TRRAP: variants seen among roughly 807,000 people sequenced by gnomAD.
TRRAP encodes transformation/transcription domain-associated protein.
In TRRAP, 41 loss-of-function variants were observed where a neutral mutation model predicts 438.8. The ratio of observed to expected loss-of-function variants is 0.09; its 90% CI spans 0.07 to 0.12. The LOEUF (loss-of-function observed/expected upper bound fraction) is 0.12, where lower values mean the gene tolerates loss of function less well. TRRAP is among the 10% of genes least tolerant of loss of function. The probability of loss-of-function intolerance (pLI) is 1.00; values close to 1 mark genes in which losing one functional copy is unlikely to be tolerated. For missense variants in TRRAP, 3,122 were observed against 5,055.1 expected (o/e 0.62, Z 11.60); for synonymous variants, 1,994 against 1,962.9 (o/e 1.02, Z -0.42).
In TRRAP at chr7:98,993,476, G is replaced by A. The variant is rs564431265; in HGVS notation, c.9848-62G>A. 2,855 of 1,566,734 alleles carry A rather than the reference G, an allele frequency of 1.8e-3. 3 individuals are homozygous for A. Among genetic ancestry groups the A allele is most frequent in the Non-Finnish European group, 2.3e-3 (2,682 of 1,156,604 alleles). On this transcript the variant is annotated intron_variant, in intron 65 of 72. Coordinates refer to ENST00000456197, the MANE Select transcript of TRRAP (RefSeq NM_001375524.1). ...TCCTTTGGCCCATGGGTCCTGCAGC[G>A]CTCCGAGCCCTGGCGTCTGTCGGTT...
At chr7:98,995,656 C>A (rs1003292455) in intron 67 of TRRAP, among the ~76,000 whole-genome samples, 34 of 149,350 alleles carry the variant, frequency 2.3e-4, no homozygotes, top group Non-Finnish European at 4.2e-4. Context: ...ATCCCCCCCC[C>A]ACCATCTACA....
intron 21 of TRRAP, 24 bp from the exon 22 acceptor site, chr7:98,925,088 A>G: frequency 1.3e-6 from 2 of 1,592,916 alleles, no homozygotes; most frequent in Non-Finnish European, 8.5e-7. Context: ...CACAAACTGT[A>G]GTTTCTTTGT....
intron 69 of TRRAP, 117 bp from the exon 70 acceptor site, chr7:99,008,260 G>T: frequency 1.9e-6 from 2 of 1,074,082 alleles, no homozygotes; most frequent in Non-Finnish European, 1.4e-6. Flanking sequence ...TTCCAGCTAA[G>T]CCCCCAAGGC....
At chr7:98,966,546 A>G (rs1043698044) in intron 49 of TRRAP, among the ~76,000 whole-genome samples, 10 of 152,094 alleles carry the variant, frequency 6.6e-5, no homozygotes, top group Non-Finnish European at 1.5e-5. Flanking sequence ...TTAGTCAGGT[A>G]TGGTGGCGCA....
intron 65 of TRRAP, among the ~76,000 whole-genome samples, chr7:98,993,291 C>G (rs572130171): frequency 1.3e-5 from 2 of 152,242 alleles, no homozygotes; most frequent in Non-Finnish European, 2.9e-5. Flanking sequence ...AACACATACA[C>G]GGGTTTATTT....
intron 19 of TRRAP, 118 bp from the exon 20 acceptor site, chr7:98,917,305 C>T: frequency 7.2e-7 from 1 of 1,397,872 alleles, no homozygotes; most frequent in Non-Finnish European, 9.8e-7. Context: ...GCACAGAGGT[C>T]TCCCTGCAGT....
chr7:98,889,760 G>T (rs1346773693), intron 3 of TRRAP, among the ~76,000 whole-genome samples: 1 of 151,934 alleles, frequency 6.6e-6, no homozygotes, highest in African/African-American at 2.4e-5. Flanking sequence ...TTGCTCTGTT[G>T]CCCAGGCTGG....
chr7:99,008,570 G>GGGGCC lies in TRRAP; in HGVS notation c.10938+18_10938+22dup, dbSNP rs774182773. ...CCCAAGCCAGCCACCAGGTAGCAGT[G>GGGGCC]GGGCCGGGCCGGGGGCCGAGCTGCC... is the stretch of plus-strand genomic sequence containing the variant. On this transcript the variant is annotated intron_variant, in intron 70 of 72. Transcript: ENST00000456197. The GGGGCC allele has an allele frequency of 5.6e-6, 9 of 1,612,604 alleles. No homozygotes were observed. The South Asian group carries it at 8.8e-5, about 16-fold the overall frequency.
At chr7:98,954,602 G>A (rs1791505355) in intron 40 of TRRAP, among the ~76,000 whole-genome samples, 1 of 152,184 alleles carries the variant, frequency 6.6e-6, no homozygotes, top group South Asian at 2.1e-4. Flanking sequence ...GGCACCAGCA[G>A]GTTCTGCAGC....
At chr7:98,997,483 C>CAAAAAAAAAAAAAAAAAAAAAAAAA (rs61132070) in intron 67 of TRRAP, among the ~76,000 whole-genome samples, 3 of 42,620 alleles carry the variant, frequency 7.0e-5, no homozygotes, top group Non-Finnish European at 8.5e-5. Flanking sequence ...ACTGCTGTTG[C>CAAAAAAAAAAAAAAAAAAAAAAAAA]AAAAAAAAAA....
chr7:98,993,792 C>T, intron 66 of TRRAP, 55 bp downstream of exon 66: 6 of 1,541,518 alleles, frequency 3.9e-6, no homozygotes, highest in Non-Finnish European at 5.4e-6. Context: ...ACGTGGTGTT[C>T]TGTATGCTTC....
At chr7:98,880,283 A>T (rs1795369026) in intron 1 of TRRAP, among the ~76,000 whole-genome samples, 1 of 35,304 alleles carries the variant, frequency 2.8e-5, no homozygotes, top group South Asian at 2.0e-3. Context: ...TTTTTTTCCG[A>T]GACTGAACCT....
chr7:98,930,775 A>G lies in TRRAP; in HGVS notation c.3536A>G (p.Asn1179Ser). ...CTGCCTCTCACTTGGGTTCTCCAGA[A>G]CCAGCAGACATTCCTGAAAGCACTT... ...ERLPLTWVLQ[N>S]QQTFLKALLF... Residue 1179 changes from asparagine (N) to serine (S), a missense_variant, in exon 25 of 73, where the codon AAC becomes AGC. Asn to Ser is a conservative substitution (Grantham distance 46). Around this residue, in one of 24 missense-constraint regions of TRRAP, gnomAD observed 153 missense variants for 223.0 expected, o/e 0.69. Coordinates refer to ENST00000456197, the MANE Select transcript of TRRAP (RefSeq NM_001375524.1). The G allele has an allele frequency of 2.5e-6, 4 of 1,614,222 alleles. No homozygotes were observed. The highest frequency in any genetic ancestry group is 3.4e-6 in the Non-Finnish European group (4 of 1,180,044).
intron 18 of TRRAP, among the ~76,000 whole-genome samples, chr7:98,913,735 T>A (rs1789388352): frequency 1.3e-5 from 2 of 152,244 alleles, no homozygotes; most frequent in African/African-American, 4.8e-5. Flanking sequence ...AGAGAAGATG[T>A]CCCATCATAC....
At chr7:98,989,460 C>T (rs1793293789) in intron 63 of TRRAP, among the ~76,000 whole-genome samples, 1 of 152,240 alleles carries the variant, frequency 6.6e-6, no homozygotes, top group South Asian at 2.1e-4. Context: ...TCAGGTTCCC[C>T]CTTCATGTGG....
rs67173253 is a variant in TRRAP at position 98,951,059 on chromosome 7, CTGTGTGTGTG to C, written c.5463+81_5463+90del. 186 of 969,348 alleles carry C rather than the reference CTGTGTGTGTG, an allele frequency of 1.9e-4. No homozygotes were observed. The African/African-American group carries it at 2.1e-3, about 11-fold the overall frequency. 60.0% of individuals were successfully genotyped at this position (969,348 alleles called of 1,614,324 possible). A position where few individuals can be genotyped will look rare whatever the true frequency, so the allele number is the denominator to read the frequency against. On this transcript the variant is annotated intron_variant, in intron 39 of 72. Coordinates refer to ENST00000456197, the MANE Select transcript of TRRAP (RefSeq NM_001375524.1). ...AGTAGCCTGGCATGTGGATGAACATCTGTGTGTGTGTGTGTGTGTGTGTGTGTGTGTGTGT... is the reference window on the plus strand; with the variant it reads ...AGTAGCCTGGCATGTGGATGAACATCTGTGTGTGTGTGTGTGTGTGTGTGT...
intron 18 of TRRAP, 72 bp downstream of exon 18, chr7:98,912,285 G>A: frequency 2.0e-6 from 3 of 1,521,554 alleles, no homozygotes; most frequent in Non-Finnish European, 2.7e-6. Context: ...GGGCCTCACG[G>A]TGGTGTCCAG....
chr7:99,012,163 C>T lies in TRRAP; in HGVS notation c.11430C>T (p.Ala3810=), dbSNP rs149548740. 1.6e-4 allele frequency: 259 copies of T among 1,614,116 alleles called. No homozygotes were observed. The highest frequency in any genetic ancestry group is 2.0e-4 in the Non-Finnish European group (234 of 1,180,048). Residue 3810 remains alanine, a synonymous_variant, in exon 73 of 73, where the codon GCC becomes GCT. Transcript: ENST00000456197. The surrounding 1 kb of genome is among the most constrained non-coding windows in gnomAD (Gnocchi z 5.9). ...ACACGTCCTCTCCTCTCTCGGCCGCCGGGCAGCCAGAGAACATGGACAGCC... is the reference window on the plus strand; with the variant it reads ...ACACGTCCTCTCCTCTCTCGGCCGCTGGGCAGCCAGAGAACATGGACAGCC... The part of the protein sequence containing the change: ...QEDTSSPLSA[A]GQPENMDSQQ...
At chr7:98,973,812 C>T (rs1792530442) in intron 53 of TRRAP, among the ~76,000 whole-genome samples, 1 of 152,206 alleles carries the variant, frequency 6.6e-6, no homozygotes, top group African/African-American at 2.4e-5. Context: ...CACACCATCA[C>T]CCCTGAGCCT....
Sources: gnomAD v4.1 joint callset for allele counts (sites outside exome capture counted in the v4.1 genomes callset) on GRCh38, gnomAD v4.1.1 for gene constraint, gnomAD v4.1.1 regional missense constraint, Gnocchi (gnomAD v3.1) non-coding constraint, MANE v1.5 for transcripts, NCBI Gene and HGNC (gene_info 2026-07-23, HGNC 2026-07-21) for gene names.